The following ACP6 variants were observed in gnomAD, a reference collection of about 807,000 sequenced individuals.
ACP6 encodes lysophosphatidic acid phosphatase type 6.
ACP6 carries 48 observed loss-of-function variants against 48.1 expected under a neutral mutation model. The ratio of observed to expected loss-of-function variants is 1.00; its 90% confidence interval spans 0.79 to 1.27. The LOEUF (loss-of-function observed/expected upper bound fraction) is 1.27, where lower values mean the gene tolerates loss of function less well. Among genes scored for constraint, ACP6 ranks in the 50% most tolerant of loss-of-function variants. The pLI, the probability that ACP6 is intolerant of heterozygous loss-of-function variation, is 0.00. For synonymous variants in ACP6, 172 were observed against 204.2 expected, an observed-to-expected ratio of 0.84 and a Z score of 1.34; for missense variants, 485 against 529.1, an observed-to-expected ratio of 0.92 and a Z score of 0.82.
At chr1:147,633,856 T>C (rs1431192912) in intron 5 of ACP6, among the ~76,000 whole-genome samples, 2 of 141,448 alleles carry the variant, frequency 1.4e-5, no homozygotes, top group African/African-American at 3.0e-5. Context: ...TTAAAAAAAT[T>C]GTGGTAAAAA....
Position 147,659,503 on chromosome 1 carries a change from C to G in ACP6, c.372G>C (p.Leu124=). ...TLKGGMFAGQ[L]TKVGMQQMFA... ...ACATTTGCTGCATGCCCACCTTGGT[C>G]AGCTGCCCAGCAAACATGCCCCCCT... is the stretch of plus-strand genomic sequence containing the variant. Residue 124 remains leucine, a synonymous_variant, in exon 3 of 10, where the codon CTG becomes CTC. Transcript: ENST00000583509. The G allele has an allele frequency of 6.2e-7, 1 of 1,614,162 alleles. No individual in the cohort carries two copies. The highest frequency in any genetic ancestry group is 8.5e-7 in the Non-Finnish European group (1 of 1,180,016).
chr1:147,632,540 G>C (rs1659198863), intron 5 of ACP6, among the ~76,000 whole-genome samples: 1 of 151,862 alleles, frequency 6.6e-6, no homozygotes, highest in African/African-American at 2.4e-5. Flanking sequence ...GGGAATGGAC[G>C]GATAAAGAAA....
chr1:147,657,981 CTT>C (rs1553212012), intron 4 of ACP6, among the ~76,000 whole-genome samples: 1 of 152,200 alleles, frequency 6.6e-6, no homozygotes, highest in African/African-American at 2.4e-5. Flanking sequence ...AGATCTTTGC[CTT>C]TTAGAAGCTG....
chr1:147,631,836 A>C lies in ACP6; in HGVS notation c.461-771T>G, dbSNP rs957985686. On this transcript the variant is annotated intron_variant, in intron 5 of 5. Transcript: ENST00000609196. ...CTTAAAACAACAACAACAACAACAA[A>C]AAAAACAGTATGAATCACACCACTT... Among the ~76,000 whole-genome samples, 75 of 152,018 alleles carry C rather than the reference A, an allele frequency of 4.9e-4. 1 individual carries two copies. The highest frequency in any genetic ancestry group is 1.3e-3 in the African/African-American group (53 of 41,444).
chr1:147,659,177 T>C, intron 3 of ACP6, 138 bp from the exon 4 acceptor site: 1 of 1,076,032 alleles, frequency 9.3e-7, no homozygotes, highest in Non-Finnish European at 1.3e-6. Context: ...TGCTTCACTT[T>C]TCTGTGGGAT....
intron 5 of ACP6, among the ~76,000 whole-genome samples, chr1:147,636,185 A>T (rs1659295331): frequency 6.6e-6 from 1 of 152,200 alleles, no homozygotes; most frequent in South Asian, 2.1e-4. Flanking sequence ...AGGCAAAGAG[A>T]TACTGAGTTA....
intron 1 of ACP6, among the ~76,000 whole-genome samples, chr1:147,665,342 T>A (rs1459956254): frequency 2.0e-5 from 3 of 152,224 alleles, no homozygotes; most frequent in African/African-American, 7.2e-5. Flanking sequence ...AGGAGGTAGA[T>A]GTAAGACATT....
chr1:147,632,152 G>C (rs1235009802), intron 5 of ACP6, among the ~76,000 whole-genome samples: 2 of 151,084 alleles, frequency 1.3e-5, no homozygotes, highest in African/African-American at 4.9e-5. Flanking sequence ...TCTCCTCAGA[G>C]AGGTCTTCTC....
rs1211756978 is a variant in ACP6 at position 147,642,869 on chromosome 1, C to T, written c.*4554G>A. 1 of 152,180 alleles carries T rather than the reference C, an allele frequency of 6.6e-6. No individual in the cohort carries two copies. Among genetic ancestry groups the T allele is most frequent in the East Asian group, 1.9e-4 (1 of 5,188 alleles). 9.4% of individuals were successfully genotyped at this position (152,180 alleles called of 1,614,324 possible). On this transcript the variant is annotated 3_prime_UTR_variant, in exon 10 of 10. Transcript: ENST00000583509. ...AAGACAAGACAAGTGTATTCATTTG[C>T]TAGGGCCTGCCGTAGCAAAGTATCA...
chr1:147,659,624 C>T (rs375706415), intron 2 of ACP6, 23 bp downstream of exon 2: 21 of 1,613,834 alleles, frequency 1.3e-5, no homozygotes, highest in Admixed American at 1.2e-4. Flanking sequence ...TGGGGCTCCC[C>T]AGAGCAAGGA....
intron 1 of ACP6, among the ~76,000 whole-genome samples, chr1:147,660,177 C>T (rs1296405633): frequency 1.3e-5 from 2 of 152,308 alleles, no homozygotes; most frequent in Non-Finnish European, 2.9e-5. Context: ...GGTTTATATG[C>T]CCTATCCCAG....
rs1277450417 is a variant in ACP6, at chr1:147,659,292, A to C, written c.479+104T>G. 11 of 1,494,048 alleles carry C rather than the reference A, an allele frequency of 7.4e-6. No individual in the cohort carries two copies. The African/African-American group carries it at 1.4e-4, about 19-fold the overall frequency. 92.5% of individuals were successfully genotyped at this position (1,494,048 alleles called of 1,614,324 possible). A position where few individuals can be genotyped will look rare whatever the true frequency, so the allele number is the denominator to read the frequency against. ...TATGCAGCATGACAAGTTGTCCCCC[A>C]AACTACCTTGGGTGACAGTGGGAAC... On this transcript the variant is annotated intron_variant, in intron 3 of 9. Coordinates refer to ENST00000583509, the MANE Select transcript of ACP6 (RefSeq NM_016361.5).
intron 1 of ACP6, among the ~76,000 whole-genome samples, chr1:147,664,407 T>A (rs781919921): frequency 6.6e-6 from 1 of 152,206 alleles, no homozygotes; most frequent in Non-Finnish European, 1.5e-5. Flanking sequence ...TGCCTGGAAT[T>A]TTCTCTCCTC....
At chr1:147,664,776 A>G (rs1660717962) in intron 1 of ACP6, among the ~76,000 whole-genome samples, 1 of 152,266 alleles carries the variant, frequency 6.6e-6, no homozygotes, top group Non-Finnish European at 1.5e-5. Context: ...AATGACAGCA[A>G]TACCATAATA....
At position 147,647,097 on chromosome 1, in the gene ACP6, A is replaced by C. The variant is rs1205801700; in HGVS notation, c.*326T>G. 3.6e-6 allele frequency: 1 copy of C among 278,680 alleles called. No homozygotes were observed. Among genetic ancestry groups the C allele is most frequent in the Non-Finnish European group, 7.0e-6 (1 of 143,492 alleles). The allele number at this position is 278,680 out of a possible 1,614,324, so 17.3% of individuals were successfully genotyped here. A position where few individuals can be genotyped will look rare whatever the true frequency, so the allele number is the denominator to read the frequency against. On this transcript the variant is annotated 3_prime_UTR_variant, in exon 10 of 10. Transcript: ENST00000583509. The stretch of plus-strand genomic sequence containing the variant: ...CACTACTTAGTAGGTAGCTCAATAC[A>C]TGTGAAATTAATATAGGAGAAAAGA...
intron 5 of ACP6, 140 bp from the exon 6 acceptor site, chr1:147,654,466 A>T (rs1660127871): frequency 2.3e-6 from 2 of 881,482 alleles, no homozygotes; most frequent in South Asian, 3.6e-5. Flanking sequence ...TCCCAATTTT[A>T]TAGATGAATA....
chr1:147,662,547 G>A (rs911576690), intron 1 of ACP6, among the ~76,000 whole-genome samples: 4 of 152,214 alleles, frequency 2.6e-5, no homozygotes, highest in African/African-American at 9.7e-5. Context: ...CAGATGTGAT[G>A]GAAATAGCAA....
At chr1:147,665,186 C>T (rs587760594) in intron 1 of ACP6, among the ~76,000 whole-genome samples, 1 of 152,320 alleles carries the variant, frequency 6.6e-6, no homozygotes, top group African/African-American at 2.4e-5. Flanking sequence ...ATCCTCTTAG[C>T]CCACAGGCTC....
chr1:147,650,174 T>G lies in ACP6; in HGVS notation c.946A>C (p.Met316Leu). Residue 316 changes from methionine (M) to leucine (L), a missense_variant, in exon 8 of 10, where the codon ATG becomes CTG. Physicochemically the swap from Met to Leu is conservative, Grantham distance 15. Coordinates refer to ENST00000583509, the MANE Select transcript of ACP6 (RefSeq NM_016361.5). ...TTGTCGGGGGCAGTGGCAGAGTCCA[T>G]GGCTTTCAGCAGGTTGCTCTCTAGG... The part of the protein sequence containing the change: ...HILESNLLKA[M>L]DSATAPDKIR... 1.2e-6 allele frequency: 2 copies of G among 1,607,414 alleles called. No individual in the cohort carries two copies. Among genetic ancestry groups the G allele is most frequent in the Non-Finnish European group, 1.7e-6 (2 of 1,177,154 alleles).
Sources: gnomAD v4.1 joint callset for allele counts (sites outside exome capture counted in the v4.1 genomes callset) on GRCh38, gnomAD v4.1.1 for gene constraint, MANE v1.5 for transcripts, NCBI Gene and HGNC (gene_info 2026-07-23, HGNC 2026-07-21) for gene names.